ADAM9: variants seen among roughly 807,000 people sequenced by gnomAD.
ADAM9 encodes the protein ADAM metallopeptidase domain 9, also known as disintegrin and metalloproteinase domain-containing protein 9.
ADAM9 carries 54 observed loss-of-function variants against 108.1 expected under a neutral mutation model. That is an observed-to-expected ratio of 0.50 (90% CI 0.40 to 0.63). ADAM9 has a LOEUF of 0.63. ADAM9 is among the 20% of genes least tolerant of loss of function. The probability of loss-of-function intolerance (pLI) is 0.00; values close to 1 mark genes in which losing one functional copy is unlikely to be tolerated. For synonymous variants in ADAM9, 316 were observed against 336.0 expected (o/e 0.94, Z 0.65); for missense variants, 830 against 997.7 (o/e 0.83, Z 2.26).
At chr8:39,082,929 T>C in intron 17 of ADAM9, 39 bp from the exon 18 acceptor site, 1 of 1,553,290 alleles carries the variant, frequency 6.4e-7, no homozygotes, top group Non-Finnish European at 8.9e-7. Flanking sequence ...TAGAGCAACA[T>C]TCACAATTAA....
intron 12 of ADAM9, among the ~76,000 whole-genome samples, chr8:39,044,922 ATATG>A (rs1359593150): frequency 2.7e-5 from 4 of 150,226 alleles, no homozygotes; most frequent in Non-Finnish European, 4.4e-5. Context: ...ATGTATGTAT[ATATG>A]TGTGTGCACA....
chr8:39,009,031 G>T (rs1469246991), intron 2 of ADAM9, among the ~76,000 whole-genome samples: 2 of 152,172 alleles, frequency 1.3e-5, no homozygotes, highest in Non-Finnish European at 2.9e-5. Flanking sequence ...CAGCGTGCCT[G>T]TTTTTTAGGG....
Position 39,016,208 on chromosome 8 carries a change from T to G in ADAM9, c.410+14T>G, listed in dbSNP as rs759329858. ...TTTTGGACTCAGGTAAGCAATTTCCTTTATCTTCTTTTTTTTTGTTTCCCC... is the reference window on the plus strand; with the variant it reads ...TTTTGGACTCAGGTAAGCAATTTCCGTTATCTTCTTTTTTTTTGTTTCCCC... On this transcript the variant is annotated intron_variant, in intron 5 of 21. Transcript: ENST00000487273. 1.2e-6 allele frequency: 2 copies of G among 1,605,780 alleles called. No homozygotes were observed. Among genetic ancestry groups the G allele is most frequent in the African/African-American group, 1.3e-5 (1 of 74,844 alleles).
At chr8:39,041,578 A>G (rs2129436294) in intron 11 of ADAM9, among the ~76,000 whole-genome samples, 1 of 152,218 alleles carries the variant, frequency 6.6e-6, no homozygotes, top group East Asian at 1.9e-4. Flanking sequence ...ACGTACAGCT[A>G]CCTTCCAATA....
Position 39,026,666 on chromosome 8 carries a change from G to A in ADAM9, c.997-11G>A. On this transcript the variant is annotated splice_polypyrimidine_tract_variant and intron_variant, in intron 10 of 21. Coordinates refer to ENST00000487273, the MANE Select transcript of ADAM9 (RefSeq NM_003816.3). Reference sequence around the variant, plus strand: ...TCAGAAACCTAATTACTACCTTCCTGTTCTGAACAGTTTGGACAAATCACT... The same window carrying A: ...TCAGAAACCTAATTACTACCTTCCTATTCTGAACAGTTTGGACAAATCACT... 1 of 1,614,048 alleles carries A rather than the reference G, an allele frequency of 6.2e-7. No homozygotes were observed. Among genetic ancestry groups the A allele is most frequent in the Non-Finnish European group, 8.5e-7 (1 of 1,179,990 alleles).
chr8:39,082,768 A>G, intron 17 of ADAM9, 47 bp downstream of exon 17: 1 of 1,484,766 alleles, frequency 6.7e-7, no homozygotes. Flanking sequence ...AGTGCTAAAT[A>G]ATGAGAAATC....
intron 1 of ADAM9, among the ~76,000 whole-genome samples, chr8:39,006,587 G>A (rs1160734394): frequency 3.5e-5 from 3 of 84,612 alleles, no homozygotes; most frequent in African/African-American, 3.6e-5. Flanking sequence ...TAAGGGTTAA[G>A]CCATTGGTAA....
At chr8:39,060,924 C>A (rs756218983) in intron 14 of ADAM9, among the ~76,000 whole-genome samples, 38 of 152,224 alleles carry the variant, frequency 2.5e-4, no homozygotes, top group Admixed American at 6.5e-4. Flanking sequence ...CAGATCACAG[C>A]TGCATACCAT....
intron 11 of ADAM9, among the ~76,000 whole-genome samples, chr8:39,039,522 G>C (rs1243564068): frequency 6.6e-6 from 1 of 152,110 alleles, no homozygotes; most frequent in African/African-American, 2.4e-5. Context: ...TTACATATCT[G>C]CTACTTTGTA....
intron 18 of ADAM9, 53 bp downstream of exon 18, chr8:39,083,126 A>G: frequency 7.1e-7 from 1 of 1,406,732 alleles, no homozygotes; most frequent in Non-Finnish European, 1.0e-6. Context: ...CAAGGCATAA[A>G]TTGGGCATCC....
intron 11 of ADAM9, among the ~76,000 whole-genome samples, chr8:39,037,546 C>A (rs184757249): frequency 6.6e-4 from 99 of 149,626 alleles, no homozygotes; most frequent in Middle Eastern, 3.4e-3. Flanking sequence ...CCACCCCAGC[C>A]TCCTGAGTAG....
chr8:39,090,323 A>G (rs1055216509), intron 19 of ADAM9, 135 bp downstream of exon 19: 8 of 681,486 alleles, frequency 1.2e-5, no homozygotes, highest in Non-Finnish European at 1.7e-5. Flanking sequence ...CAGGCACACC[A>G]CCACACCCAG....
chr8:39,024,964 AAGG>A lies in ADAM9; in HGVS notation c.915-835_915-833del, dbSNP rs146911798. Reference sequence around the variant, plus strand: ...GAGATGCCTTCTGAGTAAAGACCTGAAGGAGGTGAGGGAATGAGTCTGGGTTAT... The same window carrying A: ...GAGATGCCTTCTGAGTAAAGACCTGAAGGTGAGGGAATGAGTCTGGGTTAT... On this transcript the variant is annotated intron_variant, in intron 9 of 21. Transcript: ENST00000487273. 5.7e-3 allele frequency among the ~76,000 whole-genome samples: 864 copies of A among 152,266 alleles called. 10 individuals are homozygous for A. The highest frequency in any genetic ancestry group is 0.02 in the African/African-American group (822 of 41,548).
intron 1 of ADAM9, among the ~76,000 whole-genome samples, chr8:39,006,737 C>T (rs1012599860): frequency 6.6e-6 from 1 of 151,796 alleles, no homozygotes; most frequent in Non-Finnish European, 1.5e-5. Flanking sequence ...ACTTTAGAAC[C>T]CAAGCCCTGC....
chr8:39,004,183 G>A (rs1161797799), intron 1 of ADAM9, among the ~76,000 whole-genome samples: 2 of 151,986 alleles, frequency 1.3e-5, no homozygotes, highest in East Asian at 3.8e-4. Context: ...AGCTTCTAGT[G>A]TAACAGTTGT....
Position 39,021,776 on chromosome 8 carries a change from A to G in ADAM9, c.744+62A>G. 11 of 1,439,914 alleles carry G rather than the reference A, an allele frequency of 7.6e-6. No homozygotes were observed. The South Asian group carries it at 1.1e-4, about 15-fold the overall frequency. 89.2% of individuals were successfully genotyped at this position (1,439,914 alleles called of 1,614,324 possible). Reference sequence around the variant, plus strand: ...CCTATTCTTTCAGTCCCAGAACAGAACTTAAAAATGTCTCATTTTGAGTTC... The same window carrying G: ...CCTATTCTTTCAGTCCCAGAACAGAGCTTAAAAATGTCTCATTTTGAGTTC... On this transcript the variant is annotated intron_variant, in intron 8 of 21. Coordinates refer to ENST00000487273, the MANE Select transcript of ADAM9 (RefSeq NM_003816.3).
chr8:39,096,215 A>G (rs779942075), intron 20 of ADAM9, among the ~76,000 whole-genome samples: 2 of 148,520 alleles, frequency 1.3e-5, no homozygotes, highest in African/African-American at 4.8e-5. Flanking sequence ...TATCATTTCT[A>G]TGTTAGGAAC....
chr8:39,090,290 A>C, intron 19 of ADAM9, 102 bp downstream of exon 19: 1 of 999,104 alleles, frequency 1.0e-6, no homozygotes, highest in South Asian at 1.6e-5. Context: ...CCCCTGCCTC[A>C]GCCTTCCAAG....
chr8:38,999,861 G>A (rs1184718438), intron 1 of ADAM9, among the ~76,000 whole-genome samples: 2 of 152,134 alleles, frequency 1.3e-5, no homozygotes, highest in African/African-American at 2.4e-5. Flanking sequence ...TTTTTCTTGG[G>A]AATATCCGCA....
Sources: gnomAD v4.1 joint callset for allele counts (sites outside exome capture counted in the v4.1 genomes callset) on GRCh38, gnomAD v4.1.1 for gene constraint, MANE v1.5 for transcripts, NCBI Gene and HGNC (gene_info 2026-07-23, HGNC 2026-07-21) for gene names.